The following RTN1 variants were observed in gnomAD, a reference collection of about 807,000 sequenced individuals.
RTN1 encodes reticulon 1.
A neutral mutation model predicts 65.5 loss-of-function variants in RTN1; 25 were observed. The observed-to-expected ratio is 0.38, with a 90% CI of 0.28 to 0.53. The LOEUF (loss-of-function observed/expected upper bound fraction) is 0.53, where lower values mean the gene tolerates loss of function less well. Ranked by LOEUF, RTN1 falls within the 20% of genes least tolerant of loss-of-function variation. RTN1 has a pLI of 0.79. For synonymous variants in RTN1, 471 were observed against 447.6 expected (o/e 1.05, Z -0.66); for missense variants, 983 against 1,025.4 (o/e 0.96, Z 0.57).
At chr14:59,723,481 G>A (rs991492055) in intron 3 of RTN1, among the ~76,000 whole-genome samples, 2 of 151,940 alleles carry the variant, frequency 1.3e-5, no homozygotes, top group Non-Finnish European at 2.9e-5. Context: ...GGGCGTGGTG[G>A]TGGTGGGCGC....
At chr14:59,762,543 G>A (rs1885770770) in intron 1 of RTN1, among the ~76,000 whole-genome samples, 1 of 152,148 alleles carries the variant, frequency 6.6e-6, no homozygotes, top group African/African-American at 2.4e-5. Flanking sequence ...TGACTCCAAA[G>A]CTGATGCTAT....
intron 3 of RTN1, among the ~76,000 whole-genome samples, chr14:59,680,296 T>C (rs1244667322): frequency 1.3e-5 from 2 of 152,212 alleles, no homozygotes; most frequent in Non-Finnish European, 2.9e-5. Flanking sequence ...TTTCCCTCCA[T>C]ACCAGTTAGA....
intron 3 of RTN1, among the ~76,000 whole-genome samples, chr14:59,660,689 A>G (rs775927027): frequency 6.6e-6 from 1 of 152,238 alleles, no homozygotes; most frequent in Non-Finnish European, 1.5e-5. Context: ...GAAACCAATG[A>G]GAACACAGAC....
intron 3 of RTN1, among the ~76,000 whole-genome samples, chr14:59,672,593 T>G (rs1319568342): frequency 6.6e-6 from 1 of 151,782 alleles, no homozygotes; most frequent in African/African-American, 2.4e-5. Context: ...GTTGAATGAG[T>G]GATTTGTTGA....
chr14:59,706,630 GCAAA>G (rs1309276885), intron 3 of RTN1, among the ~76,000 whole-genome samples: 26 of 152,212 alleles, frequency 1.7e-4, no homozygotes, highest in Admixed American at 1.3e-4. Context: ...ACACGTGTGA[GCAAA>G]CACAGACACA....
At chr14:59,810,460 C>T (rs997761482) in intron 1 of RTN1, among the ~76,000 whole-genome samples, 1 of 152,110 alleles carries the variant, frequency 6.6e-6, no homozygotes, top group African/African-American at 2.4e-5. Flanking sequence ...ATTCAGGAGT[C>T]TTGTGTCTTC....
rs188365656 is a variant in RTN1, at chr14:59,794,444, C to T, written c.242-47963G>A. On this transcript the variant is annotated intron_variant, in intron 1 of 8. Transcript: ENST00000267484. The surrounding 1 kb of genome is among the most constrained non-coding windows in gnomAD (Gnocchi z 5.1). ...CTACGTCTAGAATTTTCAGTTTCAT[C>T]AGCCAACAGATGTCTTTTTTGTTTT... Among the ~76,000 whole-genome samples the T allele has an allele frequency of 2.6e-3, 400 of 152,304 alleles. 7 individuals are homozygous for T. The highest frequency in any genetic ancestry group is 6.6e-4 in the Non-Finnish European group (45 of 68,030).
intron 3 of RTN1, among the ~76,000 whole-genome samples, chr14:59,662,286 A>G (rs1042170232): frequency 1.3e-5 from 2 of 150,648 alleles, no homozygotes; most frequent in African/African-American, 2.4e-5. Flanking sequence ...CATTACGTAT[A>G]TCTCCTAATG....
At position 59,735,411 on chromosome 14, in the gene RTN1, C is replaced by T. The variant is rs539455308; in HGVS notation, c.1016-7743G>A. ...AATACTAACCTTAAGTGTAAATGGG[C>T]TAAATGCCCCAATTAAAAGACACAA... On this transcript the variant is annotated intron_variant, in intron 2 of 8. Coordinates refer to ENST00000267484, the MANE Select transcript of RTN1 (RefSeq NM_021136.3). Among the ~76,000 whole-genome samples the T allele has an allele frequency of 9.2e-5, 14 of 152,232 alleles. No homozygotes were observed. In the East Asian group the frequency reaches 2.7e-3, roughly 29 times the overall value.
intron 1 of RTN1, among the ~76,000 whole-genome samples, chr14:59,755,367 A>C (rs1180880099): frequency 1.3e-5 from 2 of 152,206 alleles, no homozygotes; most frequent in Non-Finnish European, 2.9e-5. Flanking sequence ...TTTTTTAAAA[A>C]GTGTGGGCAT....
intron 3 of RTN1, among the ~76,000 whole-genome samples, chr14:59,687,792 C>T (rs940995555): frequency 6.6e-6 from 1 of 151,940 alleles, no homozygotes; most frequent in Non-Finnish European, 1.5e-5. Context: ...ACTTCATGCC[C>T]AGGCAAATCT....
intron 1 of RTN1, among the ~76,000 whole-genome samples, chr14:59,862,467 C>T (rs989918581): frequency 2.0e-5 from 3 of 152,278 alleles, no homozygotes; most frequent in East Asian, 1.9e-4. Context: ...ACCTCAAACA[C>T]CCCAGCTACC....
chr14:59,611,019 CAA>C (rs1881932287), intron 3 of RTN1, among the ~76,000 whole-genome samples: 1 of 152,196 alleles, frequency 6.6e-6, no homozygotes, highest in Non-Finnish European at 1.5e-5. Context: ...CCCCCACCCA[CAA>C]AGTTATCCTT....
intron 1 of RTN1, among the ~76,000 whole-genome samples, chr14:59,765,140 AAAG>A (rs1002870874): frequency 2.3e-4 from 35 of 152,164 alleles, no homozygotes; most frequent in Non-Finnish European, 7.3e-5. Flanking sequence ...AAAAAAAAAC[AAAG>A]AAGGAGTAGG....
At chr14:59,681,771 T>C (rs910084291) in intron 3 of RTN1, among the ~76,000 whole-genome samples, 1 of 152,198 alleles carries the variant, frequency 6.6e-6, no homozygotes, top group African/African-American at 2.4e-5. Context: ...TTCTTTTTCA[T>C]CCAGCTAATC....
chr14:59,676,231 G>A (rs1883624800), intron 3 of RTN1, among the ~76,000 whole-genome samples: 1 of 152,192 alleles, frequency 6.6e-6, no homozygotes, highest in Admixed American at 6.5e-5. Context: ...AACTTGAAGT[G>A]GAAAGCAATT....
At chr14:59,669,653 T>C (rs528555124) in intron 3 of RTN1, among the ~76,000 whole-genome samples, 1 of 152,110 alleles carries the variant, frequency 6.6e-6, no homozygotes, top group East Asian at 1.9e-4. Flanking sequence ...CATCTTATGA[T>C]CATGAGGAGA....
intron 3 of RTN1, chr14:59,610,332 T>A (rs953657840): frequency 1.8e-6 from 1 of 566,564 alleles, no homozygotes; most frequent in Non-Finnish European, 3.1e-6. Context: ...AGGTTTCTAA[T>A]AAGGAGGTTA....
At chr14:59,606,986 C>T (rs191900643) in intron 4 of RTN1, among the ~76,000 whole-genome samples, 132 of 152,264 alleles carry the variant, frequency 8.7e-4, no homozygotes, top group African/African-American at 2.9e-3. Context: ...GACAAAAATG[C>T]CTGCTGTGCC....
Sources: gnomAD v4.1 joint callset for allele counts (sites outside exome capture counted in the v4.1 genomes callset) on GRCh38, gnomAD v4.1.1 for gene constraint, Gnocchi (gnomAD v3.1) non-coding constraint, MANE v1.5 for transcripts, NCBI Gene and HGNC (gene_info 2026-07-23, HGNC 2026-07-21) for gene names.